GRM7: variants seen among roughly 807,000 people sequenced by gnomAD.
The protein encoded by GRM7 is metabotropic glutamate receptor 7.
In GRM7, 35 loss-of-function variants were observed where a neutral mutation model predicts 84.5. The ratio of observed to expected loss-of-function variants is 0.41; its 90% CI spans 0.32 to 0.55. GRM7 has a LOEUF of 0.55. GRM7 is among the 20% of genes least tolerant of loss of function. The pLI, the probability that GRM7 is intolerant of heterozygous loss-of-function variation, is 0.19. For synonymous variants in GRM7, 487 were observed against 455.1 expected (o/e 1.07, Z -0.89); for missense variants, 1,003 against 1,194.6 (o/e 0.84, Z 2.36).
At chr3:6,994,160 C>T (rs767536168) in intron 1 of GRM7, among the ~76,000 whole-genome samples, 3 of 152,018 alleles carry the variant, frequency 2.0e-5, no homozygotes, top group Non-Finnish European at 2.9e-5. Flanking sequence ...TAGAGGCCAT[C>T]GAAAGAGGCA....
At chr3:7,330,948 C>G (rs1701184749) in intron 4 of GRM7, among the ~76,000 whole-genome samples, 1 of 152,130 alleles carries the variant, frequency 6.6e-6, no homozygotes. Context: ...AATTGTCACC[C>G]TTCAGAGAGG....
chr3:7,446,471 T>G (rs1405694050), intron 5 of GRM7, among the ~76,000 whole-genome samples: 1 of 149,704 alleles, frequency 6.7e-6, no homozygotes, highest in African/African-American at 2.5e-5. Context: ...TTTGTTTTTT[T>G]TTTTTTTGAG....
At chr3:7,662,735 C>T (rs1416171735) in intron 8 of GRM7, among the ~76,000 whole-genome samples, 1 of 152,172 alleles carries the variant, frequency 6.6e-6, no homozygotes, top group African/African-American at 2.4e-5. Context: ...AGGAAATGAA[C>T]AGATGGTGAA....
intron 1 of GRM7, among the ~76,000 whole-genome samples, chr3:6,940,557 A>G (rs1481846528): frequency 6.6e-6 from 1 of 152,022 alleles, no homozygotes; most frequent in African/African-American, 2.4e-5. Context: ...CATTTTTACA[A>G]CCATTGAGAA....
At chr3:7,670,517 G>A (rs1336753561) in intron 8 of GRM7, among the ~76,000 whole-genome samples, 1 of 152,160 alleles carries the variant, frequency 6.6e-6, no homozygotes, top group East Asian at 1.9e-4. Context: ...TAGTTTTAAT[G>A]AACCCTTTAC....
chr3:6,956,088 C>G (rs1184996125), intron 1 of GRM7, among the ~76,000 whole-genome samples: 2 of 152,124 alleles, frequency 1.3e-5, no homozygotes, highest in African/African-American at 4.8e-5. Context: ...GCTAGAGAAT[C>G]TCAATACAAA....
intron 2 of GRM7, among the ~76,000 whole-genome samples, chr3:7,254,295 G>A (rs185032658): frequency 6.6e-6 from 1 of 152,198 alleles, no homozygotes; most frequent in African/African-American, 2.4e-5. Context: ...ACTTTGCACT[G>A]GGTCCCACCA....
At chr3:7,120,744 G>A (rs1291900149) in intron 1 of GRM7, among the ~76,000 whole-genome samples, 3 of 152,118 alleles carry the variant, frequency 2.0e-5, no homozygotes, top group African/African-American at 4.8e-5. Context: ...TGTTTGACCC[G>A]TAACAGTTTT....
At chr3:7,565,926 A>G (rs1694234425) in intron 7 of GRM7, among the ~76,000 whole-genome samples, 1 of 152,164 alleles carries the variant, frequency 6.6e-6, no homozygotes, top group Non-Finnish European at 1.5e-5. Context: ...AGCTTTTTGG[A>G]TGATATAAAT....
chr3:7,041,215 A>G (rs1696599740), intron 1 of GRM7, among the ~76,000 whole-genome samples: 1 of 152,204 alleles, frequency 6.6e-6, no homozygotes, highest in Admixed American at 6.5e-5. Flanking sequence ...TTAGGTGTAT[A>G]CATATCACCA....
chr3:6,963,686 C>A (rs1051780345), intron 1 of GRM7, among the ~76,000 whole-genome samples: 1 of 152,150 alleles, frequency 6.6e-6, no homozygotes, highest in East Asian at 1.9e-4. Context: ...TTTTTAAAAT[C>A]ATGGTACAGT....
At chr3:6,982,208 T>A (rs1033498763) in intron 1 of GRM7, among the ~76,000 whole-genome samples, 1 of 152,282 alleles carries the variant, frequency 6.6e-6, no homozygotes, top group African/African-American at 2.4e-5. Flanking sequence ...GAAAACCAAA[T>A]ACTTCATGCT....
intron 2 of GRM7, among the ~76,000 whole-genome samples, chr3:7,177,337 T>C (rs1574995648): frequency 6.6e-6 from 1 of 152,348 alleles, no homozygotes; most frequent in East Asian, 1.9e-4. Context: ...TATGCACTGG[T>C]ATTATTTCTA....
chr3:6,901,603 C>CAAA (rs1160836530), intron 1 of GRM7, among the ~76,000 whole-genome samples: 1 of 19,352 alleles, frequency 5.2e-5, no homozygotes. Flanking sequence ...AAGACTCCGT[C>CAAA]TAAAAAAAAA....
At chr3:7,574,183 G>A (rs1383387089) in intron 7 of GRM7, among the ~76,000 whole-genome samples, 1 of 134,450 alleles carries the variant, frequency 7.4e-6, no homozygotes, top group East Asian at 2.2e-4. Flanking sequence ...TTTTTGAGAT[G>A]GAGTTTTGCT....
chr3:7,580,205 G>A (rs1695179445), intron 8 of GRM7, among the ~76,000 whole-genome samples: 1 of 152,192 alleles, frequency 6.6e-6, no homozygotes, highest in South Asian at 2.1e-4. Context: ...ATAGTTTCAT[G>A]TAATATCAAC....
chr3:7,453,809 G>C (rs573678345), intron 6 of GRM7, among the ~76,000 whole-genome samples: 2 of 152,262 alleles, frequency 1.3e-5, no homozygotes, highest in Non-Finnish European at 2.9e-5. Context: ...AATAGGCTAA[G>C]CGGGAATACC....
At chr3:7,190,661 A>T (rs947087036) in intron 2 of GRM7, among the ~76,000 whole-genome samples, 3 of 152,096 alleles carry the variant, frequency 2.0e-5, no homozygotes, top group African/African-American at 7.2e-5. Flanking sequence ...TTGCAAGCAC[A>T]TTACTGTTTT....
At position 7,622,111 on chromosome 3, in the gene GRM7, C is replaced by A. The variant is rs539772496; in HGVS notation, c.2451+42754C>A. Among the ~76,000 whole-genome samples, 8 of 152,214 alleles carry A rather than the reference C, an allele frequency of 5.3e-5. No homozygotes were observed. The East Asian group carries it at 1.5e-3, about 29-fold the overall frequency. On this transcript the variant is annotated intron_variant, in intron 8 of 9. Coordinates refer to ENST00000357716, the MANE Select transcript of GRM7 (RefSeq NM_000844.4). Reference sequence around the variant, plus strand: ...GACTTGGAAAGGCAAAATGATTTACCCAAATCGCCATTCCAGGGCTATTCC... The same window carrying A: ...GACTTGGAAAGGCAAAATGATTTACACAAATCGCCATTCCAGGGCTATTCC...
Sources: gnomAD v4.1 joint callset for allele counts (sites outside exome capture counted in the v4.1 genomes callset) on GRCh38, gnomAD v4.1.1 for gene constraint, MANE v1.5 for transcripts, NCBI Gene and HGNC (gene_info 2026-07-23, HGNC 2026-07-21) for gene names.